Variants in SCN7A observed in about 807,000 individuals in gnomAD.
The protein encoded by SCN7A is sodium voltage-gated channel alpha subunit 7, also known as sodium channel protein type 7 subunit alpha.
SCN7A carries 138 observed loss-of-function variants against 155.2 expected under a neutral mutation model. The ratio of observed to expected loss-of-function variants is 0.89; its 90% CI spans 0.77 to 1.02. SCN7A has a LOEUF of 1.02. Ranked by LOEUF, SCN7A falls within the 50% of genes least tolerant of loss-of-function variation. SCN7A has a pLI of 0.00. For missense variants in SCN7A, 2,058 were observed against 1,986.6 expected, an observed-to-expected ratio of 1.04 and a Z score of -0.68; for synonymous variants, 693 against 649.0, an observed-to-expected ratio of 1.07 and a Z score of -1.03.
chr2:166,449,398 A>G (rs571700336), intron 11 of SCN7A, among the ~76,000 whole-genome samples: 8 of 152,268 alleles, frequency 5.3e-5, no homozygotes, highest in African/African-American at 1.7e-4. Context: ...AGGCTTGCCA[A>G]TACCCAACCC....
chr2:166,483,358 A>G (rs1204926597), intron 2 of SCN7A, among the ~76,000 whole-genome samples: 1 of 151,958 alleles, frequency 6.6e-6, no homozygotes, highest in Non-Finnish European at 1.5e-5. Context: ...ACTTTCTCAC[A>G]TATCTTCCTG....
chr2:166,410,750 T>C (rs1046517282), intron 23 of SCN7A, among the ~76,000 whole-genome samples: 5 of 152,016 alleles, frequency 3.3e-5, no homozygotes, highest in Non-Finnish European at 5.9e-5. Context: ...TATGACTATA[T>C]ATTGCTTTAT....
chr2:166,423,618 A>AC (rs1201544663), intron 18 of SCN7A, among the ~76,000 whole-genome samples, 186 bp from the exon 19 acceptor site: 1 of 151,910 alleles, frequency 6.6e-6, no homozygotes, highest in Non-Finnish European at 1.5e-5. Flanking sequence ...TTATTATTTG[A>AC]CCCCATGCCT....
intron 14 of SCN7A, among the ~76,000 whole-genome samples, chr2:166,443,113 C>T (rs1701994060): frequency 6.6e-6 from 1 of 152,122 alleles, no homozygotes; most frequent in African/African-American, 2.4e-5. Context: ...ATCATAATAA[C>T]ATTCTCCTGG....
At chr2:166,457,945 T>C (rs185893552) in intron 10 of SCN7A, among the ~76,000 whole-genome samples, 26 of 152,304 alleles carry the variant, frequency 1.7e-4, no homozygotes, top group Admixed American at 1.7e-3. Flanking sequence ...CAAGAATATT[T>C]ACAGATTAAT....
At chr2:166,484,154 T>C (rs1327074993) in intron 2 of SCN7A, among the ~76,000 whole-genome samples, 2 of 151,986 alleles carry the variant, frequency 1.3e-5, no homozygotes, top group African/African-American at 4.8e-5. Flanking sequence ...GTGAAGGCTA[T>C]AAAATCTGGC....
At chr2:166,435,718 G>T (rs933883471) in intron 15 of SCN7A, among the ~76,000 whole-genome samples, 3 of 151,896 alleles carry the variant, frequency 2.0e-5, no homozygotes, top group African/African-American at 7.3e-5. Flanking sequence ...AATATATATG[G>T]AATAACATAT....
chr2:166,469,835 C>T (rs1400508823), intron 7 of SCN7A, among the ~76,000 whole-genome samples: 1 of 151,906 alleles, frequency 6.6e-6, no homozygotes, highest in Non-Finnish European at 1.5e-5. Flanking sequence ...ATATAATTCA[C>T]AAGCCCCACA....
intron 25 of SCN7A, among the ~76,000 whole-genome samples, chr2:166,406,869 A>C (rs952253002): frequency 1.3e-5 from 2 of 152,020 alleles, no homozygotes; most frequent in African/African-American, 4.8e-5. Context: ...TAAATTTGGA[A>C]GATTATTTTT....
rs928900240 is a variant in SCN7A, at chr2:166,477,652, T to C, written c.45A>G (p.Lys15=). The C allele has an allele frequency of 2.5e-6, 4 of 1,606,114 alleles. No homozygotes were observed. The African/African-American group carries it at 4.0e-5, about 16-fold the overall frequency. ...PEPKGLVPFT[K]ESFELIKQHI... is the part of the protein sequence containing the mutation. ...GCTGTTTTATAAGTTCAAAAGACTC[T>C]TTAGTGAAGGGAACAAGGCCCTTAG... Residue 15 remains lysine (K), a synonymous_variant, in exon 3 of 26, where the codon AAA becomes AAG. Coordinates refer to ENST00000643258, the MANE Select transcript of SCN7A (RefSeq NM_002976.4).
intron 15 of SCN7A, chr2:166,436,501 C>A (rs552715701): frequency 3.0e-6 from 1 of 330,390 alleles, no homozygotes; most frequent in African/African-American, 2.2e-5. Flanking sequence ...CTTGGTTACA[C>A]CCTTATTAGC....
intron 11 of SCN7A, among the ~76,000 whole-genome samples, chr2:166,453,150 C>T (rs1438339813): frequency 6.6e-6 from 1 of 152,020 alleles, no homozygotes; most frequent in Non-Finnish European, 1.5e-5. Context: ...CTACATTTCC[C>T]ACTTTGGAGA....
intron 6 of SCN7A, among the ~76,000 whole-genome samples, chr2:166,471,973 A>G (rs1264025260): frequency 1.3e-5 from 2 of 151,866 alleles, no homozygotes; most frequent in Non-Finnish European, 2.9e-5. Flanking sequence ...TTCTTTTTTT[A>G]TTATTATACT....
intron 1 of SCN7A, among the ~76,000 whole-genome samples, chr2:166,491,551 C>T (rs185624184): frequency 3.2e-4 from 49 of 152,110 alleles, no homozygotes; most frequent in Non-Finnish European, 6.3e-4. Flanking sequence ...ACCTCTGAAG[C>T]CCTCAGATGA....
At chr2:166,457,895 A>G (rs1300709809) in intron 10 of SCN7A, among the ~76,000 whole-genome samples, 1 of 152,244 alleles carries the variant, frequency 6.6e-6, no homozygotes, top group Non-Finnish European at 1.5e-5. Context: ...AATTAATAGA[A>G]AAGTATTATC....
intron 12 of SCN7A, among the ~76,000 whole-genome samples, chr2:166,445,784 T>C (rs537969949): frequency 6.6e-6 from 1 of 152,208 alleles, no homozygotes; most frequent in South Asian, 2.1e-4. Flanking sequence ...GGGAAAGGAT[T>C]CCCTATTTAA....
intron 9 of SCN7A, among the ~76,000 whole-genome samples, chr2:166,463,031 T>G (rs1417200031): frequency 4.6e-5 from 7 of 152,134 alleles, no homozygotes; most frequent in Admixed American, 4.6e-4. Flanking sequence ...TATCTGAACA[T>G]CAGAGTGAAG....
At chr2:166,436,145 T>G (rs2105421679) in intron 15 of SCN7A, among the ~76,000 whole-genome samples, 1 of 152,282 alleles carries the variant, frequency 6.6e-6, no homozygotes, top group Non-Finnish European at 1.5e-5. Context: ...ACAAAGACAC[T>G]TATTTATTAA....
At chr2:166,440,448 C>T (rs934213136) in intron 15 of SCN7A, 7 of 152,092 alleles carry the variant, frequency 4.6e-5, no homozygotes, top group Non-Finnish European at 5.9e-5. Context: ...TTTCTAACCA[C>T]CTCCCACGTG....
Sources: gnomAD v4.1 joint callset for allele counts (sites outside exome capture counted in the v4.1 genomes callset) on GRCh38, gnomAD v4.1.1 for gene constraint, MANE v1.5 for transcripts, NCBI Gene and HGNC (gene_info 2026-07-23, HGNC 2026-07-21) for gene names.